The following CLSTN2 variants were observed in gnomAD, a reference collection of about 807,000 sequenced individuals.
CLSTN2 encodes calsyntenin-2.
CLSTN2 carries 48 observed loss-of-function variants against 101.2 expected under a neutral mutation model. The ratio of observed to expected loss-of-function variants is 0.47; its 90% CI spans 0.38 to 0.60. The LOEUF (loss-of-function observed/expected upper bound fraction) is 0.60, where lower values mean the gene tolerates loss of function less well. CLSTN2 is among the 20% of genes least tolerant of loss of function. The pLI is 0.00. For synonymous variants in CLSTN2, 481 were observed against 463.6 expected (o/e 1.04, Z -0.48); for missense variants, 1,160 against 1,238.2 (o/e 0.94, Z 0.95).
intron 8 of CLSTN2, among the ~76,000 whole-genome samples, chr3:140,524,587 C>T (rs1480323287): frequency 6.6e-6 from 1 of 152,176 alleles, no homozygotes; most frequent in East Asian, 1.9e-4. Flanking sequence ...ACTTGACCAA[C>T]TGGACCTAAG....
At chr3:140,061,640 CCGGGCT>C (rs2107772950) in intron 1 of CLSTN2, among the ~76,000 whole-genome samples, 1 of 152,330 alleles carries the variant, frequency 6.6e-6, no homozygotes, top group East Asian at 1.9e-4. Flanking sequence ...ATAACTCCTG[CCGGGCT>C]CTAAACCAAA....
intron 8 of CLSTN2, among the ~76,000 whole-genome samples, chr3:140,517,165 C>G (rs1934936725): frequency 6.6e-6 from 1 of 152,096 alleles, no homozygotes; most frequent in South Asian, 2.1e-4. Flanking sequence ...TGTGTCCCTC[C>G]TCTCCAAAAG....
intron 2 of CLSTN2, among the ~76,000 whole-genome samples, chr3:140,336,526 C>T (rs2087441189): frequency 6.6e-6 from 1 of 152,138 alleles, no homozygotes; most frequent in Non-Finnish European, 1.5e-5. Context: ...GTGCAAGCCC[C>T]AAGGCATGGC....
chr3:140,051,972 G>C (rs897949721), intron 1 of CLSTN2, among the ~76,000 whole-genome samples: 3 of 152,176 alleles, frequency 2.0e-5, no homozygotes, highest in Admixed American at 6.5e-5. Flanking sequence ...TGAGCTGCTG[G>C]TCTGGGAACC....
rs989834493 is a variant in CLSTN2 at position 140,459,604 on chromosome 3, G to A, written c.1057G>A (p.Glu353Lys). 1 of 1,614,134 alleles carries A rather than the reference G, an allele frequency of 6.2e-7. No individual in the cohort carries two copies. Among genetic ancestry groups the A allele is most frequent in the Admixed American group, 1.7e-5 (1 of 60,020 alleles). ...WTAGLLVDSS[E>K]MIFKFDGRQG... Reference sequence around the variant, plus strand: ...TGCAGGACTGCTGGTGGACAGCAGTGAGATGATCTTCAAGTTTGACGGCAG... The same window carrying A: ...TGCAGGACTGCTGGTGGACAGCAGTAAGATGATCTTCAAGTTTGACGGCAG... Residue 353 changes from glutamate (E) to lysine (K), a missense_variant, in exon 7 of 17, where the codon GAG becomes AAG. Coordinates refer to ENST00000458420, the MANE Select transcript of CLSTN2 (RefSeq NM_022131.3).
intron 1 of CLSTN2, among the ~76,000 whole-genome samples, chr3:140,084,557 C>T (rs1334685011): frequency 6.6e-6 from 1 of 152,170 alleles, no homozygotes; most frequent in African/African-American, 2.4e-5. Context: ...GAAACCAAGT[C>T]TACAGACAAC....
At chr3:140,321,867 T>C (rs2087286327) in intron 2 of CLSTN2, among the ~76,000 whole-genome samples, 2 of 152,252 alleles carry the variant, frequency 1.3e-5, no homozygotes, top group African/African-American at 2.4e-5. Flanking sequence ...TGTTCCAGCT[T>C]CCTTGAGAAC....
chr3:140,150,581 A>T (rs2009848837), intron 1 of CLSTN2, among the ~76,000 whole-genome samples: 1 of 152,162 alleles, frequency 6.6e-6, no homozygotes, highest in Admixed American at 6.5e-5. Flanking sequence ...GGTGGCCCTT[A>T]TTCAGTGACT....
intron 1 of CLSTN2, among the ~76,000 whole-genome samples, chr3:139,976,430 G>T (rs929409570): frequency 1.3e-5 from 2 of 152,262 alleles, no homozygotes; most frequent in African/African-American, 4.8e-5. Context: ...GGATTTCAGA[G>T]AATTCATCAA....
intron 1 of CLSTN2, among the ~76,000 whole-genome samples, chr3:140,122,756 AACT>A (rs2009363928): frequency 1.3e-5 from 2 of 152,160 alleles, no homozygotes; most frequent in South Asian, 4.1e-4. Flanking sequence ...GGGGTCTGCA[AACT>A]TGATCTGTAA....
At chr3:140,051,942 A>C (rs561901575) in intron 1 of CLSTN2, among the ~76,000 whole-genome samples, 13 of 152,256 alleles carry the variant, frequency 8.5e-5, no homozygotes, top group Non-Finnish European at 1.8e-4. Context: ...CTTGCATTTT[A>C]AGAAGTTTGC....
intron 2 of CLSTN2, among the ~76,000 whole-genome samples, chr3:140,225,127 A>G (rs2086307276): frequency 1.3e-5 from 2 of 152,202 alleles, no homozygotes; most frequent in South Asian, 4.1e-4. Flanking sequence ...AGCTCGGAGC[A>G]TAGGCTCACA....
intron 1 of CLSTN2, among the ~76,000 whole-genome samples, chr3:140,139,247 C>CTAAG (rs2009660580): frequency 6.6e-6 from 1 of 152,192 alleles, no homozygotes; most frequent in African/African-American, 2.4e-5. Flanking sequence ...TCCTAAGCTA[C>CTAAG]TAAGCATCTC....
chr3:140,186,262 C>T (rs1220663722), intron 2 of CLSTN2, among the ~76,000 whole-genome samples: 4 of 152,162 alleles, frequency 2.6e-5, no homozygotes, highest in Admixed American at 2.6e-4. Flanking sequence ...AAGTTAATAC[C>T]AGGTCAAATT....
At chr3:140,005,185 G>A (rs1322034393) in intron 1 of CLSTN2, among the ~76,000 whole-genome samples, 1 of 152,202 alleles carries the variant, frequency 6.6e-6, no homozygotes, top group Non-Finnish European at 1.5e-5. Context: ...GCAGCTCTGA[G>A]GAGGACAGTG....
At chr3:140,114,065 A>G (rs16849872) in intron 1 of CLSTN2, among the ~76,000 whole-genome samples, 6,688 of 152,134 alleles carry the variant, frequency 0.044, 206 homozygotes, top group Middle Eastern at 0.12. Context: ...GATCCTTACC[A>G]TCTTCTTGCT....
chr3:140,471,967 G>T (rs563342), intron 8 of CLSTN2, among the ~76,000 whole-genome samples: 72,900 of 152,096 alleles, frequency 0.48, 18,696 homozygotes, highest in African/African-American at 0.67. Flanking sequence ...AAGCTACTAT[G>T]TTGATACAAG....
intron 3 of CLSTN2, among the ~76,000 whole-genome samples, chr3:140,404,159 G>T (rs927850294): frequency 1.3e-5 from 2 of 152,216 alleles, no homozygotes; most frequent in African/African-American, 4.8e-5. Flanking sequence ...CGTGCCATAA[G>T]CTGCTCTCTG....
chr3:139,976,199 T>C (rs1935814318), intron 1 of CLSTN2, among the ~76,000 whole-genome samples: 1 of 152,184 alleles, frequency 6.6e-6, no homozygotes, highest in Non-Finnish European at 1.5e-5. Flanking sequence ...TCTACTACCC[T>C]GGGGATCGGG....
Sources: gnomAD v4.1 joint callset for allele counts (sites outside exome capture counted in the v4.1 genomes callset) on GRCh38, gnomAD v4.1.1 for gene constraint, MANE v1.5 for transcripts, NCBI Gene and HGNC (gene_info 2026-07-23, HGNC 2026-07-21) for gene names.